PCCA: variants seen among roughly 807,000 people sequenced by gnomAD.
PCCA encodes the protein propionyl-CoA carboxylase alpha chain, mitochondrial.
In PCCA, 74 loss-of-function variants were observed where a neutral mutation model predicts 101.3. The observed-to-expected ratio is 0.73, with a 90% CI of 0.61 to 0.89. The LOEUF (loss-of-function observed/expected upper bound fraction) is 0.89. PCCA is among the 40% of genes least tolerant of loss of function. The probability of loss-of-function intolerance (pLI) is 0.00; values close to 1 mark genes in which losing one functional copy is unlikely to be tolerated. For missense variants in PCCA, 891 were observed against 907.0 expected (o/e 0.98, Z 0.23); for synonymous variants, 294 against 313.6 (o/e 0.94, Z 0.66).
intron 6 of PCCA, among the ~76,000 whole-genome samples, chr13:100,205,435 G>A (rs973486063): frequency 6.6e-6 from 1 of 151,718 alleles, no homozygotes; most frequent in African/African-American, 2.4e-5. Context: ...TGATAAAAAG[G>A]AAGTTAAGTC....
At chr13:100,263,985 A>G (rs2062727468) in intron 10 of PCCA, among the ~76,000 whole-genome samples, 1 of 150,682 alleles carries the variant, frequency 6.6e-6, no homozygotes, top group South Asian at 2.1e-4. Context: ...TGTATGTCAT[A>G]TATACGGTAT....
intron 12 of PCCA, among the ~76,000 whole-genome samples, chr13:100,289,109 G>C (rs376189256): frequency 6.6e-6 from 1 of 152,042 alleles, no homozygotes; most frequent in East Asian, 1.9e-4. Flanking sequence ...TTTATATACA[G>C]TATAATTTGA....
intron 8 of PCCA, among the ~76,000 whole-genome samples, chr13:100,256,491 C>A (rs776522585): frequency 5.9e-5 from 9 of 151,988 alleles, no homozygotes; most frequent in Non-Finnish European, 1.3e-4. Flanking sequence ...AGCATTGTTT[C>A]AAAAATACCA....
At chr13:100,356,152 A>C (rs1469412141) in intron 18 of PCCA, among the ~76,000 whole-genome samples, 1 of 152,188 alleles carries the variant, frequency 6.6e-6, no homozygotes, top group Admixed American at 6.5e-5. Flanking sequence ...CAGTGCATAC[A>C]ACAAAATTCT....
chr13:100,151,226 A>G, intron 4 of PCCA: 1 of 599,342 alleles, frequency 1.7e-6, no homozygotes, highest in Admixed American at 3.1e-5. Context: ...AGTTATTTGG[A>G]AATTAGGCTC....
At chr13:100,349,201 G>A (rs1179783609) in intron 18 of PCCA, among the ~76,000 whole-genome samples, 2 of 149,798 alleles carry the variant, frequency 1.3e-5, no homozygotes, top group East Asian at 3.9e-4. Flanking sequence ...TCAGCTCACC[G>A]CAACCTCCAC....
At chr13:100,104,640 T>TA (rs1290899549) in intron 2 of PCCA, 1 of 152,184 alleles carries the variant, frequency 6.6e-6, no homozygotes, top group Non-Finnish European at 1.5e-5. Context: ...TAGTCTTGGG[T>TA]AGTATCTTCA....
rs56795912 is a variant in PCCA at position 100,419,471 on chromosome 13, C to CA, written c.1747-6148dup. ...TGGGCAACAGAGCGAGACTTTGTCT[C>CA]AAAAAAAAAAAAAAGAAAAGAAAAG... On this transcript the variant is annotated intron_variant, in intron 19 of 23. Transcript: ENST00000376285. Among the ~76,000 whole-genome samples the CA allele has an allele frequency of 2.5e-3, 284 of 112,866 alleles. 1 individual carries two copies. The highest frequency in any genetic ancestry group is 4.3e-3 in the South Asian group (15 of 3,528). 74.0% of individuals were successfully genotyped at this position (112,866 alleles called of 152,430 possible). A position where few individuals can be genotyped will look rare whatever the true frequency, so the allele number is the denominator to read the frequency against.
chr13:100,152,838 C>T (rs911479425), intron 4 of PCCA, among the ~76,000 whole-genome samples: 8 of 152,058 alleles, frequency 5.3e-5, no homozygotes, highest in Middle Eastern at 3.2e-3. Flanking sequence ...ATTATATATG[C>T]GGTATCATTA....
intron 23 of PCCA, among the ~76,000 whole-genome samples, chr13:100,528,213 ATTAT>A (rs2088025553): frequency 6.6e-6 from 1 of 152,242 alleles, no homozygotes; most frequent in South Asian, 2.1e-4. Flanking sequence ...GTGGGACTTA[ATTAT>A]TTAGGGAGAA....
intron 21 of PCCA, among the ~76,000 whole-genome samples, chr13:100,456,511 G>T (rs551716874): frequency 6.6e-6 from 1 of 152,174 alleles, no homozygotes; most frequent in Non-Finnish European, 1.5e-5. Context: ...TGCGGAGACC[G>T]GTAGTGGCCC....
rs71114677 is a variant in PCCA, at chr13:100,253,854, ATTT to A, written c.638-3724_638-3722del. Among the ~76,000 whole-genome samples, 392 of 138,350 alleles carry A rather than the reference ATTT, an allele frequency of 2.8e-3. 1 individual carries two copies. The highest frequency in any genetic ancestry group is 0.018 in the Middle Eastern group (5 of 274). The allele number at this position is 138,350 out of a possible 152,430, so 90.8% of individuals were successfully genotyped here. The stretch of plus-strand genomic sequence containing the variant: ...AACTTGGGAAGGGCACTAGAGCCTG[ATTT>A]TTTTTTTTTTTTTTTTAAAGCAGTC... On this transcript the variant is annotated intron_variant, in intron 8 of 23. Transcript: ENST00000376285.
intron 20 of PCCA, among the ~76,000 whole-genome samples, chr13:100,428,763 G>A (rs2079344623): frequency 6.6e-6 from 1 of 152,068 alleles, no homozygotes; most frequent in South Asian, 2.1e-4. Flanking sequence ...GCTGGTCTGG[G>A]CCACATTTGG....
intron 19 of PCCA, among the ~76,000 whole-genome samples, chr13:100,379,080 G>T (rs2076081374): frequency 6.6e-6 from 1 of 152,062 alleles, no homozygotes; most frequent in African/African-American, 2.4e-5. Flanking sequence ...TTTTCATAGG[G>T]GAAGACTTTT....
At chr13:100,465,830 G>A (rs761169167) in intron 21 of PCCA, among the ~76,000 whole-genome samples, 2 of 152,230 alleles carry the variant, frequency 1.3e-5, no homozygotes, top group Non-Finnish European at 2.9e-5. Context: ...AAGTACACAT[G>A]TCATGACCTA....
intron 18 of PCCA, 105 bp downstream of exon 18, chr13:100,340,364 A>G (rs1566961034): frequency 1.4e-6 from 1 of 733,122 alleles, no homozygotes; most frequent in Admixed American, 1.9e-5. Flanking sequence ...AGTTCTAGAG[A>G]TCTTATGGGT....
chr13:100,193,973 A>G (rs888949951), intron 6 of PCCA, among the ~76,000 whole-genome samples: 19 of 152,136 alleles, frequency 1.2e-4, no homozygotes, highest in African/African-American at 4.6e-4. Flanking sequence ...CGGGAGGCTG[A>G]GGCAGGAAAA....
intron 18 of PCCA, among the ~76,000 whole-genome samples, chr13:100,361,849 A>ACC (rs550029851): frequency 4.6e-5 from 7 of 152,270 alleles, no homozygotes; most frequent in African/African-American, 1.7e-4. Flanking sequence ...ATAAAATTAA[A>ACC]CCTACATTTA....
rs1289727861 is a variant in PCCA at position 100,163,988 on chromosome 13, A to G, written c.468+6648A>G. 3.5e-5 allele frequency among the ~76,000 whole-genome samples: 3 copies of G among 85,388 alleles called. No homozygotes were observed. In the East Asian group the frequency reaches 9.4e-4, roughly 27 times the overall value. The allele number at this position is 85,388 out of a possible 152,430, so 56.0% of individuals were successfully genotyped here. On this transcript the variant is annotated intron_variant, in intron 6 of 23. Coordinates refer to ENST00000376285, the MANE Select transcript of PCCA (RefSeq NM_000282.4). Reference sequence around the variant, plus strand: ...TCAAGTAAAATGTAGAAATTTTGCGATCATATAGTCCATCCTCCTTCTCTT... The same window carrying G: ...TCAAGTAAAATGTAGAAATTTTGCGGTCATATAGTCCATCCTCCTTCTCTT...
Sources: gnomAD v4.1 joint callset for allele counts (sites outside exome capture counted in the v4.1 genomes callset) on GRCh38, gnomAD v4.1.1 for gene constraint, MANE v1.5 for transcripts, NCBI Gene and HGNC (gene_info 2026-07-23, HGNC 2026-07-21) for gene names.